The following ZP3 variants were observed in gnomAD, a reference collection of about 807,000 sequenced individuals.
ZP3 encodes the protein zona pellucida glycoprotein 3.
Under a neutral mutation model 35.6 loss-of-function variants are expected in ZP3, and 21 were observed. That is an observed-to-expected ratio of 0.59 (90% CI 0.42 to 0.85). ZP3 has a LOEUF of 0.85. Ranked by LOEUF, ZP3 falls within the 40% of genes least tolerant of loss-of-function variation. ZP3 has a pLI of 0.00. For missense variants in ZP3, 437 were observed against 536.5 expected (o/e 0.81, Z 1.83); for synonymous variants, 207 against 214.5 (o/e 0.96, Z 0.31).
chr7:76,439,667 CTG>C (rs1486945852), intron 5 of ZP3, among the ~76,000 whole-genome samples: 3 of 152,150 alleles, frequency 2.0e-5, no homozygotes, highest in South Asian at 2.1e-4. Context: ...CATCATACCA[CTG>C]TACTCCAGCC....
At chr7:76,405,725 A>G (rs1805003184) in intron 1 of ZP3, among the ~76,000 whole-genome samples, 1 of 152,134 alleles carries the variant, frequency 6.6e-6, no homozygotes, top group African/African-American at 2.4e-5. Flanking sequence ...GCTTGGATGG[A>G]AACGCATGAG....
intron 1 of ZP3, among the ~76,000 whole-genome samples, chr7:76,428,164 TAAAAA>T (rs71521125): frequency 7.5e-6 from 1 of 133,956 alleles, no homozygotes; most frequent in African/African-American, 2.7e-5. Context: ...TGTCTCTATT[TAAAAA>T]AAAAAAAAAA....
rs770524731 is a variant in ZP3 at position 76,441,802 on chromosome 7, G to T, written c.1061-40G>T. 8 of 1,613,704 alleles carry T rather than the reference G, an allele frequency of 5.0e-6. No homozygotes were observed. In the Admixed American group the frequency reaches 6.7e-5, roughly 13 times the overall value. On this transcript the variant is annotated intron_variant, in intron 7 of 7. Coordinates refer to ENST00000394857, the MANE Select transcript of ZP3 (RefSeq NM_001110354.2). ...AACCTCCAACCCAGTTCCCGGTTAG[G>T]GACTAAGATAACCCTTGGTTGTGTG...
chr7:76,438,340 T>C (rs1386531301), intron 5 of ZP3, among the ~76,000 whole-genome samples: 1 of 152,024 alleles, frequency 6.6e-6, no homozygotes, highest in African/African-American at 2.4e-5. Context: ...GGTGGATCAC[T>C]TGAGGCCAGG....
At chr7:76,423,063 GAAAGAAAGAAAGAAAGAAAGA>G (rs1563695592), upstream of ZP3, among the ~76,000 whole-genome samples, 8 of 145,864 alleles carry the variant, frequency 5.5e-5, no homozygotes, top group African/African-American at 1.6e-4. Context: ...AAGAAAGAAA[GAAAGAAAGAAAGAAAGAAAGA>G]AAAGAAATTG....
At chr7:76,429,685 G>A in intron 2 of ZP3, 52 bp downstream of exon 2, 1 of 1,527,312 alleles carries the variant, frequency 6.5e-7, no homozygotes, top group South Asian at 1.1e-5. Flanking sequence ...CTTGGGTGTG[G>A]CTGCAGGCAA....
chr7:76,428,342 G>A (rs1051210472), intron 1 of ZP3, among the ~76,000 whole-genome samples: 1 of 152,034 alleles, frequency 6.6e-6, no homozygotes, highest in Non-Finnish European at 1.5e-5. Context: ...AGGTGGTTAG[G>A]AAGTGACTAA....
chr7:76,407,938 C>A (rs78857577), intron 1 of ZP3, among the ~76,000 whole-genome samples: 3,857 of 152,156 alleles, frequency 0.025, 126 homozygotes, highest in East Asian at 0.13. Context: ...GTTGTCCAGA[C>A]TCTAGGCCAT....
chr7:76,434,622 G>T (rs1173195152), intron 5 of ZP3, among the ~76,000 whole-genome samples: 1 of 136,184 alleles, frequency 7.3e-6, no homozygotes, highest in African/African-American at 2.7e-5. Flanking sequence ...CTGAGTGACA[G>T]TGAGACTCCA....
In ZP3 at chr7:76,433,104, CTTTT is replaced by C. The variant is rs890152277; in HGVS notation, c.535+79_535+82del. The C allele has an allele frequency of 2.1e-5, 23 of 1,072,286 alleles. 1 individual carries two copies. Among genetic ancestry groups the C allele is most frequent in the Admixed American group, 3.3e-5 (1 of 30,358 alleles). 66.4% of individuals were successfully genotyped at this position (1,072,286 alleles called of 1,614,324 possible). ...CTCAGACCCCTGCCCTTGGCTGTGT[CTTTT>C]TTTTGTTTGTTTGGTTTTGGTTTTG... On this transcript the variant is annotated intron_variant, in intron 3 of 7. Coordinates refer to ENST00000394857, the MANE Select transcript of ZP3 (RefSeq NM_001110354.2).
chr7:76,400,862 A>T, intron 1 of ZP3: 1 of 1,227,572 alleles, frequency 8.1e-7, no homozygotes, highest in Admixed American at 2.3e-5. Flanking sequence ...TCCCTTCTGG[A>T]AAATGGGGAG....
chr7:76,401,962 A>T lies in ZP3; in HGVS notation c.-67+4165A>T, dbSNP rs116019880. ...CTTAAATGTGTAAATTGGCTTTGGG[A>T]TTCATCATATTTCCCTCCCTAAAGA... On this transcript the variant is annotated intron_variant, in intron 1 of 8. Coordinates refer to the ZP3 transcript ENST00000336517. Among the ~76,000 whole-genome samples the T allele has an allele frequency of 5.9e-3, 897 of 152,102 alleles. 13 individuals carry two copies. The highest frequency in any genetic ancestry group is 0.021 in the African/African-American group (860 of 41,502).
At chr7:76,425,958 C>T (rs1425390140) in intron 1 of ZP3, among the ~76,000 whole-genome samples, 1 of 151,996 alleles carries the variant, frequency 6.6e-6, no homozygotes, top group East Asian at 1.9e-4. Flanking sequence ...TGGTGCGTGT[C>T]TGTAATCCCA....
intron 1 of ZP3, among the ~76,000 whole-genome samples, chr7:76,425,573 G>A (rs534878825): frequency 5.3e-5 from 8 of 152,160 alleles, no homozygotes; most frequent in African/African-American, 1.7e-4. Context: ...ACAGGCCTGC[G>A]TGATAGGATA....
chr7:76,400,505 C>T (rs1209653198), intron 1 of ZP3: 10 of 1,596,414 alleles, frequency 6.3e-6, no homozygotes, highest in Admixed American at 1.7e-5. Flanking sequence ...ACGTCCCAGT[C>T]GTCATCACAG....
At chr7:76,427,315 G>C (rs1805698291) in intron 1 of ZP3, among the ~76,000 whole-genome samples, 2 of 152,074 alleles carry the variant, frequency 1.3e-5, no homozygotes, top group Non-Finnish European at 2.9e-5. Flanking sequence ...AGGAGTTCAA[G>C]ACCAGCCTGG....
At chr7:76,432,060 G>T (rs1008036999) in intron 2 of ZP3, among the ~76,000 whole-genome samples, 1 of 151,814 alleles carries the variant, frequency 6.6e-6, no homozygotes, top group Non-Finnish European at 1.5e-5. Flanking sequence ...TTACTCTGCC[G>T]CCCAGGCTGG....
chr7:76,397,670 G>C, exon 1 of ZP3: 5 of 1,613,518 alleles, frequency 3.1e-6, no homozygotes, highest in South Asian at 1.1e-5. Context: ...GGCGTTGGTG[G>C]TGGCGGCCAT....
intron 1 of ZP3, among the ~76,000 whole-genome samples, chr7:76,425,604 G>A (rs867786646): frequency 1.3e-5 from 2 of 152,136 alleles, no homozygotes; most frequent in Non-Finnish European, 1.5e-5. Context: ...TAGCCTAAGG[G>A]GCTGTTTCTA....
Sources: gnomAD v4.1 joint callset for allele counts (sites outside exome capture counted in the v4.1 genomes callset) on GRCh38, gnomAD v4.1.1 for gene constraint, MANE v1.5 for transcripts, NCBI Gene and HGNC (gene_info 2026-07-23, HGNC 2026-07-21) for gene names.